PARP16: variants seen among roughly 807,000 people sequenced by gnomAD.
The protein encoded by PARP16 is protein mono-ADP-ribosyltransferase PARP16.
In PARP16, 31 loss-of-function variants were observed where a neutral mutation model predicts 35.0. That is an observed-to-expected ratio of 0.88 (90% confidence interval 0.66 to 1.19). The LOEUF (loss-of-function observed/expected upper bound fraction) is 1.19, where lower values mean the gene tolerates loss of function less well. Among genes scored for constraint, PARP16 ranks in the 50% most tolerant of loss-of-function variants. The probability of loss-of-function intolerance (pLI) is 0.00; values close to 1 mark genes in which losing one functional copy is unlikely to be tolerated. For missense variants in PARP16, 424 were observed against 411.2 expected (o/e 1.03, Z -0.27); for synonymous variants, 162 against 169.5 (o/e 0.96, Z 0.34).
At chr15:65,274,246 CT>C (rs112213715) in intron 1 of PARP16, among the ~76,000 whole-genome samples, 7,373 of 140,128 alleles carry the variant, frequency 0.053, 189 homozygotes, top group Non-Finnish European at 0.062. Flanking sequence ...GCCCAGCATA[CT>C]TTTTTTTTTT....
Position 65,259,363 on chromosome 15 carries a change from T to C in PARP16, c.*44A>G. 1 of 1,607,984 alleles carries C rather than the reference T, an allele frequency of 6.2e-7. No homozygotes were observed. ...ATAGGAGGTACAGAACAAGTTACCA[T>C]AAGGCACATAGTTGAGGTAGCCCCC... is the stretch of plus-strand genomic sequence containing the variant. On this transcript the variant is annotated 3_prime_UTR_variant, in exon 6 of 6. Transcript: ENST00000649807.
At chr15:65,242,494 C>T (rs2089106592) in intron 3 of PARP16, among the ~76,000 whole-genome samples, 1 of 152,066 alleles carries the variant, frequency 6.6e-6, no homozygotes, top group Admixed American at 6.6e-5. Flanking sequence ...GTCTTCTGAT[C>T]CATGAACACA....
chr15:65,246,540 G>A (rs549720598), intron 3 of PARP16, among the ~76,000 whole-genome samples: 1 of 152,374 alleles, frequency 6.6e-6, no homozygotes, highest in South Asian at 2.1e-4. Context: ...GCACAGACAT[G>A]TCAGGGAGCT....
chr15:65,272,943 C>A (rs950538693), intron 1 of PARP16, among the ~76,000 whole-genome samples: 2 of 152,160 alleles, frequency 1.3e-5, no homozygotes, highest in Admixed American at 6.5e-5. Flanking sequence ...CCCTGGCAAC[C>A]TTTCCTTCTG....
At chr15:65,243,865 G>T (rs2089140995) in intron 3 of PARP16, among the ~76,000 whole-genome samples, 1 of 151,634 alleles carries the variant, frequency 6.6e-6, no homozygotes, top group Admixed American at 6.6e-5. Context: ...GACTCCCAAG[G>T]CCCTGTCTCC....
At chr15:65,277,487 C>A (rs2090292565) in intron 1 of PARP16, among the ~76,000 whole-genome samples, 1 of 152,178 alleles carries the variant, frequency 6.6e-6, no homozygotes, top group Admixed American at 6.5e-5. Context: ...TTAATTTGAA[C>A]CCTTACAGGT....
At chr15:65,240,295 A>AGT (rs201751788) in intron 3 of PARP16, among the ~76,000 whole-genome samples, 3,398 of 80,662 alleles carry the variant, frequency 0.042, 103 homozygotes, top group East Asian at 0.37. Context: ...ACGCCTGGCT[A>AGT]GTGTGTGTGT....
chr15:65,279,694 C>A (rs1444291306), intron 1 of PARP16, among the ~76,000 whole-genome samples: 1 of 152,158 alleles, frequency 6.6e-6, no homozygotes, highest in African/African-American at 2.4e-5. Flanking sequence ...TTATTATTAA[C>A]AAATCTAATT....
intron 1 of PARP16, among the ~76,000 whole-genome samples, chr15:65,281,969 A>G (rs2090434045): frequency 1.3e-5 from 2 of 152,198 alleles, no homozygotes; most frequent in African/African-American, 2.4e-5. Flanking sequence ...TGAAAATGGT[A>G]AACTTTCACA....
intron 2 of PARP16, among the ~76,000 whole-genome samples, chr15:65,251,047 T>G (rs1417431668): frequency 2.6e-5 from 4 of 151,530 alleles, no homozygotes; most frequent in Admixed American, 1.3e-4. Flanking sequence ...CCATGCCCAG[T>G]TAATTTTTGT....
chr15:65,264,719 T>C (rs894484206), intron 3 of PARP16, among the ~76,000 whole-genome samples: 1 of 152,200 alleles, frequency 6.6e-6, no homozygotes, highest in Non-Finnish European at 1.5e-5. Flanking sequence ...CATGCAAGGC[T>C]GCCATGAGCA....
chr15:65,249,147 C>T (rs1044861155), intron 2 of PARP16, among the ~76,000 whole-genome samples: 3 of 152,230 alleles, frequency 2.0e-5, no homozygotes, highest in Admixed American at 1.3e-4. Flanking sequence ...GAGCCCCTAG[C>T]GTCATCCAAA....
In PARP16 at chr15:65,266,683, G is replaced by A. The variant is rs2089902274; in HGVS notation, c.398C>T (p.Pro133Leu). ...DFLFEIEYFD[P>L]ANAKFYETKG... ...GGTCTCATAAAATTTGGCGTTGGCT[G>A]GGTCAAAGTACTCAATTTCAAACAG... The change falls in exon 3 of 6, where the codon CCA becomes CTA. Residue 133 changes from proline (P) to leucine (L), a missense_variant. Pro to Leu is a moderately conservative substitution (Grantham distance 98, BLOSUM62 -3). Transcript: ENST00000649807. 1 of 1,614,058 alleles carries A rather than the reference G, an allele frequency of 6.2e-7. No individual in the cohort carries two copies. Among genetic ancestry groups the A allele is most frequent in the South Asian group, 1.1e-5 (1 of 91,076 alleles).
intron 3 of PARP16, among the ~76,000 whole-genome samples, chr15:65,240,716 T>C (rs1265003478): frequency 1.3e-5 from 2 of 152,176 alleles, no homozygotes; most frequent in Non-Finnish European, 2.9e-5. Flanking sequence ...TAACCATTCA[T>C]GTATAGGTCT....
At chr15:65,254,577 T>G (rs1405976475), downstream of PARP16, among the ~76,000 whole-genome samples, 10 of 149,124 alleles carry the variant, frequency 6.7e-5, no homozygotes, top group African/African-American at 7.5e-5. Context: ...GAGAGACAAG[T>G]GGGGGCTGTG....
At chr15:65,267,983 G>A (rs1412183847) in intron 2 of PARP16, among the ~76,000 whole-genome samples, 2 of 151,916 alleles carry the variant, frequency 1.3e-5, no homozygotes, top group Non-Finnish European at 2.9e-5. Context: ...GAGCCACCAC[G>A]CCCGGCCACT....
intron 1 of PARP16, among the ~76,000 whole-genome samples, chr15:65,276,869 C>A (rs999729721): frequency 6.6e-6 from 1 of 151,658 alleles, no homozygotes; most frequent in South Asian, 2.1e-4. Flanking sequence ...TTAGTCCCAG[C>A]TACTTGGGAG....
intron 1 of PARP16, among the ~76,000 whole-genome samples, chr15:65,276,850 C>T (rs11630072): frequency 0.017 from 2,657 of 151,856 alleles, 31 homozygotes; most frequent in Non-Finnish European, 0.027. Flanking sequence ...GGCATGGTGG[C>T]GGACACCTTT....
intron 3 of PARP16, among the ~76,000 whole-genome samples, chr15:65,244,922 T>C (rs911486207): frequency 6.6e-6 from 1 of 152,194 alleles, no homozygotes; most frequent in African/African-American, 2.4e-5. Flanking sequence ...TTGGTCTGTA[T>C]GACTGACAAG....
Sources: allele counts gnomAD v4.1 joint callset (sites outside exome capture counted in the v4.1 genomes callset), GRCh38; gene constraint gnomAD v4.1.1; transcripts MANE v1.5; gene names NCBI Gene and HGNC (gene_info 2026-07-23, HGNC 2026-07-21).